NAP1L1: variants seen among roughly 807,000 people sequenced by gnomAD.
NAP1L1 encodes nucleosome assembly protein 1-like 1.
NAP1L1 carries 9 observed loss-of-function variants against 58.9 expected under a neutral mutation model. That is an observed-to-expected ratio of 0.15 (90% CI 0.09 to 0.27). NAP1L1 has a LOEUF of 0.27. Among genes scored for constraint, NAP1L1 ranks in the 10% least tolerant of loss-of-function variants. The pLI, the probability that NAP1L1 is intolerant of heterozygous loss-of-function variation, is 1.00. For synonymous variants in NAP1L1, 130 were observed against 138.3 expected (o/e 0.94, Z 0.42); for missense variants, 302 against 458.8 (o/e 0.66, Z 3.12).
intron 1 of NAP1L1, among the ~76,000 whole-genome samples, chr12:76,080,248 T>C (rs141288541): frequency 9.3e-4 from 141 of 152,332 alleles, no homozygotes; most frequent in African/African-American, 3.2e-3. Flanking sequence ...GTGGTGATGC[T>C]GGTATAAACA....
In NAP1L1 at chr12:76,048,326, C is replaced by T; in HGVS notation, c.*103G>A. 7.5e-7 allele frequency: 1 copy of T among 1,326,732 alleles called. No individual in the cohort carries two copies. The highest frequency in any genetic ancestry group is 1.1e-6 in the Non-Finnish European group (1 of 951,414). The allele number at this position is 1,326,732 out of a possible 1,614,324, so 82.2% of individuals were successfully genotyped here. ...TTCCTGTCCTTTAAAAAAAAATTAC[C>T]TAGTCTACCAAGAAAATACAAAAAC... is the stretch of plus-strand genomic sequence containing the variant. On this transcript the variant is annotated 3_prime_UTR_variant, in exon 15 of 15. Coordinates refer to ENST00000618691, the MANE Select transcript of NAP1L1 (RefSeq NM_004537.7).
At chr12:76,059,978 T>C (rs1352416318) in intron 5 of NAP1L1, 100 bp from the exon 6 acceptor site, 3 of 1,195,978 alleles carry the variant, frequency 2.5e-6, no homozygotes, top group East Asian at 2.4e-5. Flanking sequence ...AACAAATGCA[T>C]ACCACAACTT....
intron 1 of NAP1L1, among the ~76,000 whole-genome samples, chr12:76,076,109 C>A (rs993265724): frequency 1.3e-5 from 2 of 152,160 alleles, no homozygotes; most frequent in African/African-American, 2.4e-5. Flanking sequence ...TTTCCATGTT[C>A]ACCTAGAAGG....
chr12:76,076,733 T>C (rs1240053596), intron 1 of NAP1L1, among the ~76,000 whole-genome samples: 1 of 152,016 alleles, frequency 6.6e-6, no homozygotes, highest in Non-Finnish European at 1.5e-5. Flanking sequence ...ATTACAGTCA[T>C]GTGTGGATTA....
chr12:76,079,783 A>C (rs1950329990), intron 1 of NAP1L1, among the ~76,000 whole-genome samples: 1 of 151,670 alleles, frequency 6.6e-6, no homozygotes, highest in Non-Finnish European at 1.5e-5. Flanking sequence ...TCACAGGCTC[A>C]AGTGATCCTC....
At chr12:76,069,502 C>G (rs1160896714) in intron 2 of NAP1L1, among the ~76,000 whole-genome samples, 1 of 152,150 alleles carries the variant, frequency 6.6e-6, no homozygotes, top group African/African-American at 2.4e-5. Flanking sequence ...ATCCCTCTCC[C>G]CCTCCCACTT....
At chr12:76,081,353 G>A (rs577313420) in intron 1 of NAP1L1, among the ~76,000 whole-genome samples, 4 of 152,210 alleles carry the variant, frequency 2.6e-5, no homozygotes, top group Admixed American at 2.0e-4. Context: ...TTAAAACAAT[G>A]CCTGAATAAT....
In NAP1L1 at chr12:76,039,858, A is replaced by C. The variant is rs932530190; in HGVS notation, c.*8571T>G. The C allele has an allele frequency of 2.6e-5, 4 of 152,230 alleles. No individual in the cohort carries two copies. Among genetic ancestry groups the C allele is most frequent in the African/African-American group, 9.6e-5 (4 of 41,466 alleles). 9.4% of individuals were successfully genotyped at this position (152,230 alleles called of 1,614,324 possible). On this transcript the variant is annotated 3_prime_UTR_variant, in exon 15 of 15. Coordinates refer to ENST00000618691, the MANE Select transcript of NAP1L1 (RefSeq NM_004537.7). ...CTTAGTTCTCCCCAAATTGCTGATT[A>C]ATACTGTAAACTGAAATCCCACTAG...
At chr12:76,063,768 C>T (rs1949524445) in intron 4 of NAP1L1, among the ~76,000 whole-genome samples, 1 of 151,516 alleles carries the variant, frequency 6.6e-6, no homozygotes, top group South Asian at 2.1e-4. Flanking sequence ...GCACTCCAGC[C>T]TGGATGACAA....
chr12:76,067,104 C>A (rs1376573186), intron 4 of NAP1L1, among the ~76,000 whole-genome samples: 1 of 152,056 alleles, frequency 6.6e-6, no homozygotes, highest in Non-Finnish European at 1.5e-5. Context: ...TAATTCTGTG[C>A]ATTTCTAACA....
Position 76,059,845 on chromosome 12 carries a change from T to C in NAP1L1, c.382A>G (p.Thr128Ala), listed in dbSNP as rs1283319708. The C allele has an allele frequency of 6.2e-7, 1 of 1,602,242 alleles. No homozygotes were observed. Among genetic ancestry groups the C allele is most frequent in the African/African-American group, 1.3e-5 (1 of 74,178 alleles). ...FEIINAIYEP[T>A]EEECEWKPDE... ...GGTTTCCATTCACATTCTTCTTCCG[T>C]AGGTTCATAAATTGCATTAATAATT... Residue 128 changes from threonine (T) to alanine (A), a missense_variant, in exon 6 of 15, where the codon ACG becomes GCG. Physicochemically the swap from Thr to Ala is moderately conservative, Grantham distance 58. Transcript: ENST00000618691.
chr12:76,072,654 T>C (rs1191793832), intron 2 of NAP1L1, among the ~76,000 whole-genome samples: 2 of 152,170 alleles, frequency 1.3e-5, no homozygotes, highest in African/African-American at 4.8e-5. Context: ...CAGAGTAGCT[T>C]CCAGAAATGT....
At position 76,056,063 on chromosome 12, in the gene NAP1L1, C is replaced by G. The variant is rs779740648; in HGVS notation, c.528G>C (p.Lys176Asn). The G allele has an allele frequency of 3.7e-6, 6 of 1,612,192 alleles. No homozygotes were observed. Among genetic ancestry groups the G allele is most frequent in the Non-Finnish European group, 5.1e-6 (6 of 1,179,784 alleles). The part of the protein sequence containing the change: ...GIPEFWLTVF[K>N]NVDLLSDMVQ... ...CCATATCACTGAGCAAGTCAACATT[C>G]TTAAAAACAGTTAACCAAAATTCAG... Residue 176 changes from lysine to asparagine, a missense_variant, in exon 7 of 15, where the codon AAG becomes AAC. Coordinates refer to ENST00000618691, the MANE Select transcript of NAP1L1 (RefSeq NM_004537.7).
chr12:76,051,330 T>TAAA (rs60701145), intron 11 of NAP1L1, among the ~76,000 whole-genome samples: 11 of 146,584 alleles, frequency 7.5e-5, no homozygotes, highest in Non-Finnish European at 1.1e-4. Context: ...AATAGAAAAA[T>TAAA]AAAAAAAAAA....
Position 76,059,806 on chromosome 12 carries a change from C to A in NAP1L1, c.421G>T (p.Glu141Ter). Residue 141 changes from glutamate (E) to a stop codon, truncating the protein, a stop_gained, in exon 6 of 15, where the codon GAG becomes TAG. Coordinates refer to ENST00000618691, the MANE Select transcript of NAP1L1 (RefSeq NM_004537.7). LOFTEE classifies it high-confidence loss of function. The stretch of plus-strand genomic sequence containing the variant: ...ATAAAGTTGGTACTAACCGAAATCT[C>A]ATCTTCTTCATCTGGTTTCCATTCA... The part of the protein sequence containing the change: ...ECEWKPDEED[E>*]ISEELKEKAK... The A allele has an allele frequency of 6.2e-7, 1 of 1,600,770 alleles. No individual in the cohort carries two copies. Among genetic ancestry groups the A allele is most frequent in the South Asian group, 1.1e-5 (1 of 87,634 alleles).
At chr12:76,080,035 C>T (rs746230943) in intron 1 of NAP1L1, among the ~76,000 whole-genome samples, 1 of 152,154 alleles carries the variant, frequency 6.6e-6, no homozygotes, top group Non-Finnish European at 1.5e-5. Flanking sequence ...ACAAAATCTT[C>T]CACTGAAGAG....
In NAP1L1 at chr12:76,060,101, A is replaced by C. The variant is rs1168609588; in HGVS notation, c.348+37T>G. 3.8e-6 allele frequency: 6 copies of C among 1,591,232 alleles called. 1 individual carries two copies. In the South Asian group the frequency reaches 6.7e-5, roughly 18 times the overall value. ...CTTATGTTTCTAGAATTCGTCTTCT[A>C]GAATGTTAAATTAAACAAAGTAGGA... On this transcript the variant is annotated intron_variant, in intron 5 of 14. Coordinates refer to ENST00000618691, the MANE Select transcript of NAP1L1 (RefSeq NM_004537.7).
chr12:76,047,642 A>T lies in NAP1L1; in HGVS notation c.*787T>A, dbSNP rs1363838342. The T allele has an allele frequency of 6.6e-6, 1 of 152,074 alleles. No homozygotes were observed. Among genetic ancestry groups the T allele is most frequent in the African/African-American group, 2.4e-5 (1 of 41,462 alleles). 9.4% of individuals were successfully genotyped at this position (152,074 alleles called of 1,614,324 possible). On this transcript the variant is annotated 3_prime_UTR_variant, in exon 15 of 15. Transcript: ENST00000618691. ...TAGCTGCAAAAACAAAAACAAGCAAACAAACAACAAATAACTTGAAAATAG... is the reference window on the plus strand; with the variant it reads ...TAGCTGCAAAAACAAAAACAAGCAATCAAACAACAAATAACTTGAAAATAG...
chr12:76,047,956 ATTTTTTTTT>A lies in NAP1L1; in HGVS notation c.*464_*472del, dbSNP rs964767791. ...TCTTAACCATATAGTTGTCTTGCCAATTTTTTTTTTAAACAATAAATTGTCTTAGTATAA... is the reference window on the plus strand; with the variant it reads ...TCTTAACCATATAGTTGTCTTGCCAATAAACAATAAATTGTCTTAGTATAA... On this transcript the variant is annotated 3_prime_UTR_variant, in exon 15 of 15. Coordinates refer to ENST00000618691, the MANE Select transcript of NAP1L1 (RefSeq NM_004537.7). 2.0e-5 allele frequency: 3 copies of A among 152,554 alleles called. No homozygotes were observed. The highest frequency in any genetic ancestry group is 7.3e-5 in the African/African-American group (3 of 40,992). 9.5% of individuals were successfully genotyped at this position (152,554 alleles called of 1,614,324 possible).
Sources: gnomAD v4.1 joint callset for allele counts (sites outside exome capture counted in the v4.1 genomes callset) on GRCh38, gnomAD v4.1.1 for gene constraint, MANE v1.5 for transcripts, NCBI Gene and HGNC (gene_info 2026-07-23, HGNC 2026-07-21) for gene names.